The following COL21A1 variants were observed in gnomAD, a reference collection of about 807,000 sequenced individuals.
COL21A1 encodes collagen type XXI alpha 1 chain.
A neutral mutation model predicts 137.9 loss-of-function variants in COL21A1; 149 were observed. The ratio of observed to expected loss-of-function variants is 1.08; its 90% confidence interval spans 0.95 to 1.24. The LOEUF (loss-of-function observed/expected upper bound fraction) is 1.24, where lower values mean the gene tolerates loss of function less well. COL21A1 is among the 50% of genes most tolerant of loss of function. The pLI, the probability that COL21A1 is intolerant of heterozygous loss-of-function variation, is 0.00. For synonymous variants in COL21A1, 456 were observed against 391.5 expected (o/e 1.16, Z -1.95); for missense variants, 1,167 against 1,158.4 (o/e 1.01, Z -0.11).
At chr6:56,251,312 A>G (rs986447340), upstream of COL21A1, among the ~76,000 whole-genome samples, 9 of 152,224 alleles carry the variant, frequency 5.9e-5, no homozygotes, top group African/African-American at 2.2e-4. Context: ...TATTTAATCA[A>G]TCTACCACAG....
Position 56,150,001 on chromosome 6 carries a change from C to A in COL21A1, c.1434+6886G>T, listed in dbSNP as rs114434212. On this transcript the variant is annotated intron_variant, in intron 10 of 29. Transcript: ENST00000244728. ...ACTCATAACAATGGTCTAAAGAACTCTATGCCATCTTCCCTTCCTTCTCCT... is the reference window on the plus strand; with the variant it reads ...ACTCATAACAATGGTCTAAAGAACTATATGCCATCTTCCCTTCCTTCTCCT... 8.0e-3 allele frequency among the ~76,000 whole-genome samples: 1,221 copies of A among 152,316 alleles called. 18 individuals are homozygous for A. The highest frequency in any genetic ancestry group is 0.028 in the African/African-American group (1,165 of 41,566).
At chr6:56,334,666 G>A (rs79555106) in intron 1 of COL21A1, among the ~76,000 whole-genome samples, 18,463 of 152,038 alleles carry the variant, frequency 0.12, 2,562 homozygotes, top group East Asian at 0.55. Context: ...GTCTTGACTT[G>A]TCCTGTGGTT....
chr6:56,174,797 C>A (rs568637241), intron 3 of COL21A1, among the ~76,000 whole-genome samples: 14 of 151,990 alleles, frequency 9.2e-5, no homozygotes, highest in Non-Finnish European at 2.1e-4. Context: ...CACTTCTAAA[C>A]TATTTTTATA....
intron 1 of COL21A1, among the ~76,000 whole-genome samples, chr6:56,348,134 G>A (rs1210199369): frequency 6.6e-6 from 1 of 152,052 alleles, no homozygotes. Context: ...CAAATATGTC[G>A]TTTCTGAGTA....
rs184606052 is a variant in COL21A1, at chr6:56,107,908, C to A, written c.1759-6383G>T. 5.9e-3 allele frequency among the ~76,000 whole-genome samples: 898 copies of A among 151,794 alleles called. 5 individuals are homozygous for A. Among genetic ancestry groups the A allele is most frequent in the Middle Eastern group, 0.02 (6 of 294 alleles). On this transcript the variant is annotated intron_variant, in intron 16 of 29. Coordinates refer to ENST00000244728, the MANE Select transcript of COL21A1 (RefSeq NM_030820.4). ...AAGTATTTTATAAATATTATATAAT[C>A]TGATAAGGTAGAAATAAACAAGAAG...
At chr6:56,182,403 T>C (rs1777969278) in intron 2 of COL21A1, 128 bp downstream of exon 2, 1 of 635,166 alleles carries the variant, frequency 1.6e-6, no homozygotes, top group African/African-American at 1.8e-5. Flanking sequence ...GCAATTCATT[T>C]ATTTTAGGGA....
At chr6:56,289,446 C>T (rs1333167665) in intron 1 of COL21A1, among the ~76,000 whole-genome samples, 1 of 152,142 alleles carries the variant, frequency 6.6e-6, no homozygotes, top group African/African-American at 2.4e-5. Context: ...ACAAACAGAG[C>T]GTGCATCTTC....
intron 1 of COL21A1, among the ~76,000 whole-genome samples, chr6:56,286,953 G>C (rs1763928104): frequency 6.6e-6 from 1 of 151,970 alleles, no homozygotes; most frequent in African/African-American, 2.4e-5. Flanking sequence ...TTACCTTCTT[G>C]GCTTTTATTT....
intron 1 of COL21A1, among the ~76,000 whole-genome samples, chr6:56,328,538 C>T (rs1425973135): frequency 6.6e-6 from 1 of 152,072 alleles, no homozygotes; most frequent in Non-Finnish European, 1.5e-5. Flanking sequence ...AAAAATAAAG[C>T]AGAGACCCTG....
upstream of COL21A1, among the ~76,000 whole-genome samples, chr6:56,252,205 C>G (rs1234436843): frequency 3.3e-5 from 5 of 152,208 alleles, no homozygotes; most frequent in East Asian, 9.6e-4. Context: ...CTGAAAGATT[C>G]AAGTGGTCTG....
intron 10 of COL21A1, among the ~76,000 whole-genome samples, chr6:56,145,733 A>T (rs1327011171): frequency 6.6e-6 from 1 of 152,128 alleles, no homozygotes; most frequent in East Asian, 1.9e-4. Context: ...ATACTGTTCA[A>T]CATGAATTTT....
intron 1 of COL21A1, among the ~76,000 whole-genome samples, chr6:56,209,340 G>A (rs1582647246): frequency 6.6e-6 from 1 of 152,158 alleles, no homozygotes; most frequent in African/African-American, 2.4e-5. Context: ...GAGTGAACAG[G>A]CAACCTAGAG....
Position 56,060,944 on chromosome 6 carries a change from C to T in COL21A1, c.2299G>A (p.Gly767Arg), listed in dbSNP as rs749371683. The T allele has an allele frequency of 3.1e-6, 5 of 1,605,886 alleles. No individual in the cohort carries two copies. Among genetic ancestry groups the T allele is most frequent in the Non-Finnish European group, 2.5e-6 (3 of 1,176,974 alleles). The change falls in exon 26 of 30, where the codon GGG (glycine) becomes AGG (arginine). Residue 767 changes from glycine (G) to arginine (R), a missense_variant. Gly to Arg is a moderately radical substitution (Grantham distance 125, BLOSUM62 -2). Coordinates refer to ENST00000244728, the MANE Select transcript of COL21A1 (RefSeq NM_030820.4). ...DGLMGPAGPK[G>R]QPGDPGPQGP... ...TGAGGACCTGGATCCCCAGGTTGCC[C>T]CTTAGGACCTGCGGGCCCCATCAAG...
At chr6:56,353,732 T>TTA (rs1562069036) in intron 1 of COL21A1, among the ~76,000 whole-genome samples, 2 of 151,954 alleles carry the variant, frequency 1.3e-5, no homozygotes, top group African/African-American at 4.8e-5. Flanking sequence ...TACCTAAGAA[T>TTA]GCCAATAGAA....
At chr6:56,277,610 A>G (rs545965678) in intron 1 of COL21A1, among the ~76,000 whole-genome samples, 8 of 152,342 alleles carry the variant, frequency 5.3e-5, no homozygotes, top group African/African-American at 1.9e-4. Context: ...ATAAAAATAT[A>G]CCAATTCTTG....
At chr6:56,186,341 G>A (rs1704067376) in intron 1 of COL21A1, among the ~76,000 whole-genome samples, 1 of 152,082 alleles carries the variant, frequency 6.6e-6, no homozygotes, top group African/African-American at 2.4e-5. Context: ...ACTAAGAGTA[G>A]GACTTAACCT....
intron 1 of COL21A1, among the ~76,000 whole-genome samples, chr6:56,330,716 G>A (rs1765201174): frequency 6.6e-6 from 1 of 152,082 alleles, no homozygotes; most frequent in Non-Finnish European, 1.5e-5. Flanking sequence ...TGGACACTTA[G>A]CTTGATTCCA....
At chr6:56,289,416 G>A (rs538168782) in intron 1 of COL21A1, among the ~76,000 whole-genome samples, 1 of 152,238 alleles carries the variant, frequency 6.6e-6, no homozygotes, top group South Asian at 2.1e-4. Context: ...TTAATTTCCA[G>A]CACCTATAAT....
intron 1 of COL21A1, among the ~76,000 whole-genome samples, chr6:56,184,085 AT>A (rs1278413681): frequency 1.3e-5 from 2 of 152,178 alleles, no homozygotes; most frequent in Non-Finnish European, 2.9e-5. Context: ...ATATAAGTAA[AT>A]TTTTCTGGTG....
Sources: allele counts gnomAD v4.1 joint callset (sites outside exome capture counted in the v4.1 genomes callset), GRCh38; gene constraint gnomAD v4.1.1; transcripts MANE v1.5; gene names NCBI Gene and HGNC (gene_info 2026-07-23, HGNC 2026-07-21).